Variants in PUDP observed in about 807,000 individuals in gnomAD.
PUDP encodes pseudouridine 5'-phosphatase.
In PUDP, 8 loss-of-function variants were observed where a neutral mutation model predicts 9.4. The observed-to-expected ratio is 0.85, with a 90% CI of 0.50 to 1.53. The LOEUF (loss-of-function observed/expected upper bound fraction) is 1.53, where lower values mean the gene tolerates loss of function less well. Ranked by LOEUF, PUDP falls within the 40% of genes most tolerant of loss-of-function variation. The pLI, the probability that PUDP is intolerant of heterozygous loss-of-function variation, is 0.00. For missense variants in PUDP, 188 were observed against 189.7 expected (o/e 0.99, Z 0.05); for synonymous variants, 99 against 80.7 (o/e 1.23, Z -1.22).
chrX:7,014,116 C>A (rs1373689536), intron 1 of PUDP, among the ~76,000 whole-genome samples: 2 of 110,501 alleles, frequency 1.8e-5, no homozygotes, highest in African/African-American at 6.6e-5. Flanking sequence ...CAGTTTAACT[C>A]CTGGCATTCA....
At chrX:6,927,870 A>G (rs111277160) in intron 3 of PUDP, among the ~76,000 whole-genome samples, 6,461 of 110,626 alleles carry the variant, frequency 0.058, 318 homozygotes, top group African/African-American at 0.17. Flanking sequence ...GGAATGGATC[A>G]GGAACAGAGA....
intron 3 of PUDP, among the ~76,000 whole-genome samples, chrX:6,729,560 T>G (rs2146659185): frequency 8.9e-6 from 1 of 112,460 alleles, no homozygotes; most frequent in African/African-American, 3.2e-5. Context: ...TTCACATTTT[T>G]GTAACCATGG....
intron 3 of PUDP, among the ~76,000 whole-genome samples, chrX:6,961,134 T>G (rs1469434543): frequency 8.9e-6 from 1 of 111,979 alleles, no homozygotes; most frequent in African/African-American, 3.2e-5. Context: ...GTGTGGTGCC[T>G]CATACCTGTA....
chrX:7,068,349 T>G (rs1205799957), intron 3 of PUDP, among the ~76,000 whole-genome samples: 1 of 111,872 alleles, frequency 8.9e-6, no homozygotes, highest in Admixed American at 9.5e-5. Context: ...TTGAGTCCCT[T>G]GGTGTGAATC....
At chrX:6,887,550 G>C (rs1927448277) in intron 3 of PUDP, among the ~76,000 whole-genome samples, 1 of 110,252 alleles carries the variant, frequency 9.1e-6, no homozygotes, top group African/African-American at 3.3e-5. Flanking sequence ...TCTCGGGCGT[G>C]AGCTTTTTTT....
At chrX:7,123,436 A>T (rs1322924783) in intron 1 of PUDP, among the ~76,000 whole-genome samples, 2 of 112,245 alleles carry the variant, frequency 1.8e-5, no homozygotes, top group African/African-American at 3.2e-5. Flanking sequence ...ACGCTAAAAA[A>T]TATCTAAAGT....
intron 3 of PUDP, among the ~76,000 whole-genome samples, chrX:6,775,589 A>C (rs113975569): frequency 0.056 from 6,256 of 110,768 alleles, 179 homozygotes; most frequent in Middle Eastern, 0.1. Context: ...CATAGACTGA[A>C]TGTCTCTGTC....
chrX:6,783,486 G>A lies in PUDP; in HGVS notation c.*248-77020C>T, dbSNP rs933118044. Among the ~76,000 whole-genome samples the A allele has an allele frequency of 3.6e-5, 4 of 111,311 alleles. 1 individual carries two copies. The highest frequency in any genetic ancestry group is 1.3e-4 in the African/African-American group (4 of 30,599). ...ATTCAACAAGCCTCTCTTGGGGTCT[G>A]GATCGAGACTTCTTTCCTGTAATGG... On this transcript the variant is annotated intron_variant and NMD_transcript_variant, in intron 3 of 3. Transcript: ENST00000655425.
At chrX:7,108,433 T>C (rs1931948332) in intron 1 of PUDP, among the ~76,000 whole-genome samples, 1 of 111,614 alleles carries the variant, frequency 9.0e-6, no homozygotes, top group Admixed American at 9.4e-5. Flanking sequence ...ACTGGGCTCT[T>C]CCTTGGGCTT....
At chrX:6,994,397 C>T (rs1382341760) in intron 1 of PUDP, among the ~76,000 whole-genome samples, 1 of 111,867 alleles carries the variant, frequency 8.9e-6, no homozygotes, top group East Asian at 2.8e-4. Flanking sequence ...AAAGCAAGAT[C>T]CTGTTCCAAA....
chrX:7,103,149 A>C (rs1289563607), intron 2 of PUDP, among the ~76,000 whole-genome samples: 1 of 112,206 alleles, frequency 8.9e-6, no homozygotes, highest in Non-Finnish European at 1.9e-5. Context: ...CGGAGGTCTC[A>C]CATGTCCTGA....
At chrX:6,944,683 A>G (rs886634180) in intron 3 of PUDP, among the ~76,000 whole-genome samples, 2 of 110,839 alleles carry the variant, frequency 1.8e-5, no homozygotes, top group Admixed American at 1.9e-4. Flanking sequence ...ACAAAAGATA[A>G]TATCTTAGCA....
At chrX:6,953,544 TA>T (rs1272814255) in intron 3 of PUDP, among the ~76,000 whole-genome samples, 3 of 110,270 alleles carry the variant, frequency 2.7e-5, no homozygotes, top group Non-Finnish European at 5.7e-5. Context: ...GAGGAAGTCA[TA>T]AAATAGGTAG....
intron 1 of PUDP, among the ~76,000 whole-genome samples, chrX:7,139,285 C>T (rs773186035): frequency 8.9e-6 from 1 of 112,024 alleles, no homozygotes; most frequent in East Asian, 2.8e-4. Context: ...GTGCTGTCCA[C>T]TCTATATTTT....
chrX:6,713,798 G>A (rs187267032), intron 1 of PUDP, among the ~76,000 whole-genome samples: 35 of 111,044 alleles, frequency 3.2e-4, no homozygotes, highest in Non-Finnish European at 4.0e-4. Context: ...GATTGAAGCC[G>A]TCTCCAGATG....
upstream of PUDP, among the ~76,000 whole-genome samples, chrX:6,724,783 T>TG (rs1924720541): frequency 9.0e-6 from 1 of 111,131 alleles, no homozygotes; most frequent in Non-Finnish European, 1.9e-5. Flanking sequence ...TTTGTAAGAG[T>TG]GAGGGTTCCC....
intron 3 of PUDP, among the ~76,000 whole-genome samples, chrX:6,965,527 G>A (rs958502723): frequency 8.9e-6 from 1 of 111,732 alleles, no homozygotes; most frequent in Non-Finnish European, 1.9e-5. Context: ...GAGCTCAGTC[G>A]CCTCATATAA....
At chrX:6,760,926 A>G (rs1201514491) in intron 3 of PUDP, among the ~76,000 whole-genome samples, 4 of 112,431 alleles carry the variant, frequency 3.6e-5, no homozygotes, top group African/African-American at 1.3e-4. Flanking sequence ...AAGGTTGTGG[A>G]CTACATAATT....
intron 1 of PUDP, among the ~76,000 whole-genome samples, chrX:7,012,072 G>A (rs1160389156): frequency 1.8e-5 from 2 of 112,314 alleles, no homozygotes; most frequent in Non-Finnish European, 3.8e-5. Flanking sequence ...TCAGAGAGTT[G>A]TATAACACCG....
Sources: allele counts gnomAD v4.1 joint callset (sites outside exome capture counted in the v4.1 genomes callset), GRCh38; gene constraint gnomAD v4.1.1; transcripts MANE v1.5; gene names NCBI Gene and HGNC (gene_info 2026-07-23, HGNC 2026-07-21).